Variants in SVIL observed in about 807,000 individuals in gnomAD.
SVIL encodes supervillin.
A neutral mutation model predicts 240.4 loss-of-function variants in SVIL; 101 were observed. The observed-to-expected ratio is 0.42, with a 90% CI of 0.36 to 0.50. The LOEUF (loss-of-function observed/expected upper bound fraction) is 0.50. SVIL is among the 20% of genes least tolerant of loss of function. SVIL has a pLI of 0.01. For synonymous variants in SVIL, 999 were observed against 1,100.0 expected, an observed-to-expected ratio of 0.91 and a Z score of 1.82; for missense variants, 2,512 against 2,818.7, an observed-to-expected ratio of 0.89 and a Z score of 2.46.
At chr10:29,570,792 C>T (rs1411989815) in intron 1 of SVIL, among the ~76,000 whole-genome samples, 1 of 152,188 alleles carries the variant, frequency 6.6e-6, no homozygotes, top group Non-Finnish European at 1.5e-5. Context: ...TTCACATTAT[C>T]AGCAATCACA....
intron 1 of SVIL, among the ~76,000 whole-genome samples, chr10:29,734,689 A>C (rs924636545): frequency 6.6e-6 from 1 of 152,152 alleles, no homozygotes; most frequent in East Asian, 1.9e-4. Context: ...CCATCGATTG[A>C]CTGCGAGGGG....
chr10:29,539,288 A>G (rs775447387), intron 6 of SVIL, among the ~76,000 whole-genome samples: 6 of 152,240 alleles, frequency 3.9e-5, no homozygotes, highest in Non-Finnish European at 1.5e-5. Flanking sequence ...CAGTCAACAC[A>G]GCAATGAAAG....
At chr10:29,542,011 A>T (rs1424110961) in intron 6 of SVIL, among the ~76,000 whole-genome samples, 1 of 152,202 alleles carries the variant, frequency 6.6e-6, no homozygotes, top group African/African-American at 2.4e-5. Flanking sequence ...CCTCTGCATG[A>T]TTAGACAAAA....
At chr10:29,542,334 G>A (rs1406939476) in intron 6 of SVIL, among the ~76,000 whole-genome samples, 1 of 152,132 alleles carries the variant, frequency 6.6e-6, no homozygotes, top group East Asian at 1.9e-4. Context: ...ACTAGAGCAA[G>A]GTATCTACTC....
intron 1 of SVIL, among the ~76,000 whole-genome samples, chr10:29,722,229 A>C (rs1964031713): frequency 3.3e-5 from 5 of 151,538 alleles, no homozygotes; most frequent in Admixed American, 3.3e-4. Context: ...TCTTAAAAAA[A>C]AAAAAAAAAA....
chr10:29,673,822 C>T (rs1959993963), intron 2 of SVIL, among the ~76,000 whole-genome samples: 1 of 152,128 alleles, frequency 6.6e-6, no homozygotes, highest in South Asian at 2.1e-4. Context: ...AGCAGTCTTG[C>T]TAAGCAGCAA....
chr10:29,701,601 T>A (rs1236306014), intron 1 of SVIL, among the ~76,000 whole-genome samples: 2 of 152,182 alleles, frequency 1.3e-5, no homozygotes, highest in African/African-American at 4.8e-5. Flanking sequence ...ATAAAAAAAA[T>A]TGTATCTAGT....
intron 5 of SVIL, among the ~76,000 whole-genome samples, chr10:29,553,714 A>C (rs1953609152): frequency 1.3e-5 from 2 of 152,252 alleles, no homozygotes; most frequent in Admixed American, 6.5e-5. Context: ...TTTGATGACA[A>C]CAATGACTGA....
At chr10:29,722,202 G>A (rs1474858136) in intron 1 of SVIL, among the ~76,000 whole-genome samples, 2 of 146,672 alleles carry the variant, frequency 1.4e-5, no homozygotes, top group African/African-American at 5.1e-5. Context: ...CAGCCTGGGT[G>A]ACAGAGTGAG....
At chr10:29,721,112 T>G (rs1462785924) in intron 1 of SVIL, among the ~76,000 whole-genome samples, 1 of 152,152 alleles carries the variant, frequency 6.6e-6, no homozygotes, top group African/African-American at 2.4e-5. Flanking sequence ...CCTCCCAAAG[T>G]GCTAAGATTA....
intron 6 of SVIL, among the ~76,000 whole-genome samples, chr10:29,545,262 G>A (rs531725489): frequency 2.0e-5 from 3 of 152,298 alleles, no homozygotes; most frequent in South Asian, 4.1e-4. Flanking sequence ...CTTAGTGGCT[G>A]AGGCTGCACC....
intron 3 of SVIL, among the ~76,000 whole-genome samples, chr10:29,560,571 C>T (rs1954363291): frequency 6.6e-6 from 1 of 152,096 alleles, no homozygotes; most frequent in Non-Finnish European, 1.5e-5. Flanking sequence ...ACTTTAATGC[C>T]CATTTTCACA....
At chr10:29,541,861 C>T (rs141552044) in intron 6 of SVIL, among the ~76,000 whole-genome samples, 4 of 152,254 alleles carry the variant, frequency 2.6e-5, no homozygotes, top group African/African-American at 4.8e-5. Flanking sequence ...TCACTTATCA[C>T]GATTCCCATT....
rs180978614 is a variant in SVIL, at chr10:29,600,868, T to C, written c.-200-31556A>G. Among the ~76,000 whole-genome samples, 228 of 152,286 alleles carry C rather than the reference T, an allele frequency of 1.5e-3. 1 individual carries two copies. In the Middle Eastern group the frequency reaches 0.017, roughly 11 times the overall value. On this transcript the variant is annotated intron_variant, in intron 1 of 37. Coordinates refer to ENST00000355867, the MANE Select transcript of SVIL (RefSeq NM_021738.3). ...CCGTGCTATGGGACCACTTATCTGA[T>C]CTGAAGTATAGTCAATACATATGAT...
At chr10:29,568,635 T>A (rs535073423) in intron 2 of SVIL, among the ~76,000 whole-genome samples, 5 of 152,300 alleles carry the variant, frequency 3.3e-5, no homozygotes, top group Admixed American at 3.3e-4. Context: ...TTCTCTTACA[T>A]CCATGATGAT....
intron 16 of SVIL, among the ~76,000 whole-genome samples, chr10:29,514,564 T>A (rs1018575627): frequency 2.0e-5 from 3 of 152,204 alleles, no homozygotes; most frequent in African/African-American, 7.2e-5. Flanking sequence ...TTTTATTTGG[T>A]AGAGACAGGT....
chr10:29,640,770 C>G (rs1395560975), intron 3 of SVIL, among the ~76,000 whole-genome samples: 1 of 152,184 alleles, frequency 6.6e-6, no homozygotes, highest in African/African-American at 2.4e-5. Context: ...CTCCTTCCAC[C>G]CCATTGATGT....
In SVIL at chr10:29,527,075, A is replaced by C; in HGVS notation, c.2247-19T>G. 1 of 1,598,790 alleles carries C rather than the reference A, an allele frequency of 6.3e-7. No individual in the cohort carries two copies. Among genetic ancestry groups the C allele is most frequent in the Non-Finnish European group, 8.6e-7 (1 of 1,167,044 alleles). ...AGGTTCACTTTAAAAGCAATTGCCA[A>C]AGAGGAAACATTCATAAGGAGAGAG... On this transcript the variant is annotated intron_variant, in intron 12 of 37. Coordinates refer to ENST00000355867, the MANE Select transcript of SVIL (RefSeq NM_021738.3).
Position 29,524,675 on chromosome 10 carries a change from G to C in SVIL, c.2383C>G (p.Gln795Glu). Residue 795 changes from glutamine to glutamate, a missense_variant, in exon 14 of 38, where the codon CAG becomes GAG. Gln to Glu is a conservative substitution (Grantham distance 29). Around this residue, in one of 3 missense-constraint regions of SVIL, gnomAD observed 1,443 missense variants for 1,486.6 expected, o/e 0.97. Coordinates refer to ENST00000355867, the MANE Select transcript of SVIL (RefSeq NM_021738.3). ...GCAAGCTCTTTGCCCTCATTTGTCT[G>C]GTCCTTGGCTAAGGCCTTTTGGTGA... Reference protein sequence around the residue: ...SAHQKALAKDQTNEGKELAEQ... With the variant: ...SAHQKALAKDETNEGKELAEQ... 2.5e-6 allele frequency: 4 copies of C among 1,614,110 alleles called. 1 individual carries two copies. Among genetic ancestry groups the C allele is most frequent in the Non-Finnish European group, 3.4e-6 (4 of 1,180,034 alleles).
Sources: gnomAD v4.1 joint callset for allele counts (sites outside exome capture counted in the v4.1 genomes callset) on GRCh38, gnomAD v4.1.1 for gene constraint, gnomAD v4.1.1 regional missense constraint, MANE v1.5 for transcripts, NCBI Gene and HGNC (gene_info 2026-07-23, HGNC 2026-07-21) for gene names.